The following TEX11 variants were observed in gnomAD, a reference collection of about 807,000 sequenced individuals.
TEX11 encodes the protein testis-expressed protein 11.
TEX11 carries 7 observed loss-of-function variants against 84.4 expected under a neutral mutation model. That is an observed-to-expected ratio of 0.08 (90% CI 0.05 to 0.16). The LOEUF (loss-of-function observed/expected upper bound fraction) is 0.16. Among genes scored for constraint, TEX11 ranks in the 10% least tolerant of loss-of-function variants. The pLI, the probability that TEX11 is intolerant of heterozygous loss-of-function variation, is 1.00. For missense variants in TEX11, 551 were observed against 660.5 expected (o/e 0.83, Z 1.82); for synonymous variants, 264 against 222.8 (o/e 1.18, Z -1.64).
intron 7 of TEX11, among the ~76,000 whole-genome samples, chrX:70,837,087 A>G (rs930955225): frequency 1.8e-5 from 2 of 110,728 alleles, no homozygotes; most frequent in Non-Finnish European, 3.8e-5. Context: ...AACAGTTGGC[A>G]GTTTCTAAAA....
At chrX:70,792,315 A>T (rs866709700) in intron 9 of TEX11, among the ~76,000 whole-genome samples, 3 of 14,910 alleles carry the variant, frequency 2.0e-4, no homozygotes, top group Non-Finnish European at 2.1e-4. Flanking sequence ...AAAAAAAAAA[A>T]ATATATATAT....
intron 16 of TEX11, among the ~76,000 whole-genome samples, chrX:70,655,336 T>C (rs1026143687): frequency 1.8e-5 from 2 of 111,501 alleles, no homozygotes; most frequent in African/African-American, 6.5e-5. Flanking sequence ...TTTATCAGGA[T>C]GTAACCACAT....
At chrX:70,719,655 A>T (rs1345710789) in intron 13 of TEX11, among the ~76,000 whole-genome samples, 1 of 112,146 alleles carries the variant, frequency 8.9e-6, no homozygotes, top group African/African-American at 3.2e-5. Context: ...ATCTACAAAG[A>T]ACTCAAACAA....
chrX:70,841,605 G>A (rs1381832814), intron 7 of TEX11, among the ~76,000 whole-genome samples: 1 of 110,569 alleles, frequency 9.0e-6, no homozygotes, highest in Non-Finnish European at 1.9e-5. Context: ...TCAAAAGCTA[G>A]CAGAAGGCAA....
chrX:70,870,868 C>A (rs61211309), intron 4 of TEX11, among the ~76,000 whole-genome samples: 20 of 111,294 alleles, frequency 1.8e-4, no homozygotes, highest in Non-Finnish European at 3.2e-4. Flanking sequence ...AATGGAAGGG[C>A]CTGGGCATCT....
chrX:70,605,663 A>G, intron 23 of TEX11, 146 bp from the exon 24 acceptor site: 1 of 394,736 alleles, frequency 2.5e-6, no homozygotes, highest in Non-Finnish European at 4.4e-6. Flanking sequence ...GATATAAACT[A>G]TAATACTGAT....
chrX:70,595,113 C>T (rs1209290111), intron 24 of TEX11, among the ~76,000 whole-genome samples: 1 of 111,395 alleles, frequency 9.0e-6, no homozygotes, highest in Admixed American at 9.5e-5. Flanking sequence ...CAGAGTTTCG[C>T]TCTTGTTGCC....
intron 7 of TEX11, among the ~76,000 whole-genome samples, chrX:70,848,621 T>C (rs771750404): frequency 8.9e-6 from 1 of 112,051 alleles, no homozygotes; most frequent in African/African-American, 3.2e-5. Context: ...AGCAGATTCA[T>C]TTGTACCACA....
intron 3 of TEX11, among the ~76,000 whole-genome samples, chrX:70,879,690 G>A (rs1031869025): frequency 1.8e-5 from 2 of 110,876 alleles, no homozygotes; most frequent in African/African-American, 3.3e-5. Flanking sequence ...AACACTTGGA[G>A]GTGGGTATTA....
At chrX:70,733,854 C>T (rs1445625960) in intron 11 of TEX11, among the ~76,000 whole-genome samples, 2 of 111,441 alleles carry the variant, frequency 1.8e-5, no homozygotes, top group Admixed American at 9.5e-5. Context: ...CATACGCACA[C>T]GTATGTTTAT....
intron 8 of TEX11, among the ~76,000 whole-genome samples, chrX:70,833,008 G>T (rs780853080): frequency 1.8e-5 from 2 of 111,711 alleles, no homozygotes; most frequent in Admixed American, 1.9e-4. Flanking sequence ...GGTGGCTCAC[G>T]CCTGTAATCC....
At chrX:70,516,782 C>G in the TEX11 span, among the ~76,000 whole-genome samples, 2 of 110,500 alleles carry the variant, frequency 1.8e-5, no homozygotes, top group Non-Finnish European at 3.8e-5. Context: ...TTGTTTGTAT[C>G]CTCTTTTATT....
intron 7 of TEX11, among the ~76,000 whole-genome samples, chrX:70,842,788 C>T (rs1238150158): frequency 9.0e-6 from 1 of 111,660 alleles, no homozygotes; most frequent in African/African-American, 3.3e-5. Context: ...GCAAAGTCTC[C>T]GGACACAAAA....
intron 7 of TEX11, among the ~76,000 whole-genome samples, chrX:70,845,551 G>C (rs751925302): frequency 9.0e-6 from 1 of 110,997 alleles, no homozygotes; most frequent in Non-Finnish European, 1.9e-5. Flanking sequence ...ATCCAGGCAG[G>C]GCACACTGGG....
rs780409115 is a variant in TEX11, at chrX:70,856,978, A to T, written c.325-3650T>A. Among the ~76,000 whole-genome samples, 22 of 111,460 alleles carry T rather than the reference A, an allele frequency of 2.0e-4. 1 individual carries two copies. Among genetic ancestry groups the T allele is most frequent in the Non-Finnish European group, 4.1e-4 (22 of 53,117 alleles). ...ATTGGAGAGGGGGTGGGAGGACTAGATATTTGATTTGGGGAAATCTTTGTT... is the reference window on the plus strand; with the variant it reads ...ATTGGAGAGGGGGTGGGAGGACTAGTTATTTGATTTGGGGAAATCTTTGTT... On this transcript the variant is annotated intron_variant, in intron 5 of 29. Coordinates refer to ENST00000374333, the MANE Select transcript of TEX11 (RefSeq NM_031276.3).
At chrX:70,686,388 G>C (rs2090188816) in intron 13 of TEX11, among the ~76,000 whole-genome samples, 1 of 111,342 alleles carries the variant, frequency 9.0e-6, no homozygotes, top group Non-Finnish European at 1.9e-5. Flanking sequence ...TCTTTTGCAG[G>C]GACATGGATT....
intron 7 of TEX11, among the ~76,000 whole-genome samples, chrX:70,833,912 A>C (rs1277612468): frequency 8.9e-6 from 1 of 111,786 alleles, no homozygotes; most frequent in African/African-American, 3.2e-5. Context: ...TGCAACTTGA[A>C]TAGCTCTTCT....
chrX:70,869,087 T>TAAAAC (rs2091616350), intron 4 of TEX11, among the ~76,000 whole-genome samples: 1 of 98,758 alleles, frequency 1.0e-5, no homozygotes, highest in Admixed American at 1.1e-4. Context: ...TAAAATAAAA[T>TAAAAC]AAAATAAAAT....
At chrX:70,605,040 T>C (rs2089179508) in intron 24 of TEX11, among the ~76,000 whole-genome samples, 1 of 111,839 alleles carries the variant, frequency 8.9e-6, no homozygotes, top group Non-Finnish European at 1.9e-5. Flanking sequence ...ATCAAAGCTA[T>C]GGAAACAGAT....
Sources: gnomAD v4.1 joint callset for allele counts (sites outside exome capture counted in the v4.1 genomes callset) on GRCh38, gnomAD v4.1.1 for gene constraint, MANE v1.5 for transcripts, NCBI Gene and HGNC (gene_info 2026-07-23, HGNC 2026-07-21) for gene names.